The following NFATC1 variants were observed in gnomAD, a reference collection of about 807,000 sequenced individuals.
The protein encoded by NFATC1 is nuclear factor of activated T-cells, cytoplasmic 1.
In NFATC1, 22 loss-of-function variants were observed where a neutral mutation model predicts 76.0. The observed-to-expected ratio is 0.29, with a 90% CI of 0.21 to 0.41. The LOEUF (loss-of-function observed/expected upper bound fraction) is 0.41. NFATC1 is among the 10% of genes least tolerant of loss of function. The pLI, the probability that NFATC1 is intolerant of heterozygous loss-of-function variation, is 1.00. For missense variants in NFATC1, 1,357 were observed against 1,337.7 expected (o/e 1.01, Z -0.23); for synonymous variants, 704 against 613.1 (o/e 1.15, Z -2.19).
intron 1 of NFATC1, among the ~76,000 whole-genome samples, chr18:79,409,457 C>T (rs535790122): frequency 6.6e-6 from 1 of 151,978 alleles, no homozygotes; most frequent in Non-Finnish European, 1.5e-5. Flanking sequence ...ATTCATCCAC[C>T]ATTTACCTAT....
intron 3 of NFATC1, among the ~76,000 whole-genome samples, chr18:79,434,814 G>C (rs975999081): frequency 6.6e-6 from 1 of 152,250 alleles, no homozygotes; most frequent in Non-Finnish European, 1.5e-5. Context: ...GGGAATTAGC[G>C]GGCAGGGCGC....
chr18:79,507,671 C>T (rs1377654873), intron 9 of NFATC1, among the ~76,000 whole-genome samples: 1 of 152,208 alleles, frequency 6.6e-6, no homozygotes, highest in Non-Finnish European at 1.5e-5. Flanking sequence ...TCCCCCGGAG[C>T]CCTAGAAAGG....
At chr18:79,457,079 G>A (rs758989828) in intron 6 of NFATC1, among the ~76,000 whole-genome samples, 6 of 152,254 alleles carry the variant, frequency 3.9e-5, no homozygotes, top group Non-Finnish European at 7.3e-5. Context: ...TGTGAGTGTG[G>A]ACAGACATCA....
chr18:79,483,991 G>A (rs542977438), intron 8 of NFATC1, among the ~76,000 whole-genome samples: 2 of 149,652 alleles, frequency 1.3e-5, no homozygotes, highest in South Asian at 2.1e-4. Context: ...TCACTCCAGC[G>A]TGACCTGGTC....
chr18:79,528,153 G>C lies in NFATC1; in HGVS notation c.*576G>C, dbSNP rs1407315795. On this transcript the variant is annotated 3_prime_UTR_variant, in exon 10 of 10. Coordinates refer to ENST00000427363, the MANE Select transcript of NFATC1 (RefSeq NM_001278669.2). Reference sequence around the variant, plus strand: ...ACGTACACTCCTGCTGCCTTACACAGTGCATTTTAGAATCTTCCAGTCTGT... The same window carrying C: ...ACGTACACTCCTGCTGCCTTACACACTGCATTTTAGAATCTTCCAGTCTGT... 1.0e-5 allele frequency: 4 copies of C among 389,176 alleles called. No individual in the cohort carries two copies. The East Asian group carries it at 1.5e-4, about 14-fold the overall frequency. The allele number at this position is 389,176 out of a possible 1,614,324, so 24.1% of individuals were successfully genotyped here.
At chr18:79,495,696 G>C (rs1316084275) in intron 9 of NFATC1, among the ~76,000 whole-genome samples, 1 of 152,274 alleles carries the variant, frequency 6.6e-6, no homozygotes, top group Admixed American at 6.5e-5. Context: ...CTGCGCGTCT[G>C]GGCAGTGTGG....
Position 79,527,564 on chromosome 18 carries a change from G to A in NFATC1, c.2819G>A (p.Ser940Asn). The A allele has an allele frequency of 2.5e-6, 4 of 1,614,018 alleles. No homozygotes were observed. Among genetic ancestry groups the A allele is most frequent in the Non-Finnish European group, 3.4e-6 (4 of 1,179,958 alleles). ...ATACGAAATGACCTCTCCAGCACGA[G>A]CACCCACTCCTAGTTGCCACATTGG... ...EIIRNDLSST[S>N]THS Residue 940 changes from serine to asparagine, a missense_variant, in exon 10 of 10, where the codon AGC becomes AAC. By Grantham distance (46) the Ser-to-Asn change is conservative. Coordinates refer to ENST00000427363, the MANE Select transcript of NFATC1 (RefSeq NM_001278669.2).
intron 8 of NFATC1, chr18:79,470,088 C>T (rs2088714648): frequency 3.7e-6 from 3 of 812,226 alleles, no homozygotes; most frequent in Non-Finnish European, 4.5e-6. Context: ...GGTCTGAGGA[C>T]GCCGAGGCCG....
At position 79,449,960 on chromosome 18, in the gene NFATC1, C is replaced by G. The variant is rs571799983; in HGVS notation, c.1589+976C>G. Among the ~76,000 whole-genome samples the G allele has an allele frequency of 7.9e-5, 12 of 152,354 alleles. 1 individual carries two copies. In the South Asian group the frequency reaches 2.5e-3, roughly 32 times the overall value. ...TCAAGCACTGGGAGGAATGTACGCACCTGGGAATTCATTCCAAATCCCTGA... is the reference window on the plus strand; with the variant it reads ...TCAAGCACTGGGAGGAATGTACGCAGCTGGGAATTCATTCCAAATCCCTGA... On this transcript the variant is annotated intron_variant, in intron 4 of 9. Coordinates refer to ENST00000427363, the MANE Select transcript of NFATC1 (RefSeq NM_001278669.2).
intron 8 of NFATC1, 85 bp downstream of exon 8, chr18:79,467,667 A>G (rs1260973447): frequency 1.9e-6 from 3 of 1,585,032 alleles, no homozygotes; most frequent in Non-Finnish European, 2.6e-6. Context: ...GTCGCCGTAA[A>G]GCAGCGTGGC....
At chr18:79,496,235 G>C (rs948298751) in intron 9 of NFATC1, 2 of 152,604 alleles carry the variant, frequency 1.3e-5, no homozygotes, top group East Asian at 3.8e-4. Context: ...CTAATGTGTA[G>C]ACATTTCAAA....
rs1229153004 is a variant in NFATC1 at position 79,528,381 on chromosome 18, A to T, written c.*804A>T. On this transcript the variant is annotated 3_prime_UTR_variant, in exon 10 of 10. Transcript: ENST00000427363. ...TGCATTTGCATGTGTGTACATATCT[A>T]GGCATCTATTTATGTATAAATAATA... The T allele has an allele frequency of 1.9e-5, 3 of 154,116 alleles. No homozygotes were observed. The highest frequency in any genetic ancestry group is 7.2e-5 in the African/African-American group (3 of 41,510). The allele number at this position is 154,116 out of a possible 1,614,324, so 9.5% of individuals were successfully genotyped here.
chr18:79,464,171 C>T (rs2088304367), intron 7 of NFATC1, among the ~76,000 whole-genome samples: 2 of 152,182 alleles, frequency 1.3e-5, no homozygotes, highest in African/African-American at 4.8e-5. Flanking sequence ...CTCATTGCAG[C>T]CTCCGCCTCC....
chr18:79,484,191 C>G (rs990907857), intron 8 of NFATC1, among the ~76,000 whole-genome samples: 2 of 152,102 alleles, frequency 1.3e-5, no homozygotes, highest in Non-Finnish European at 2.9e-5. Flanking sequence ...GCCTCATCCT[C>G]CAAGCTTCAC....
chr18:79,444,145 C>T (rs539563396), intron 3 of NFATC1, among the ~76,000 whole-genome samples: 2 of 152,222 alleles, frequency 1.3e-5, no homozygotes, highest in African/African-American at 2.4e-5. Context: ...TAGAACTTCC[C>T]AGAGAGCAGT....
chr18:79,434,514 C>T (rs1050684298), intron 3 of NFATC1, among the ~76,000 whole-genome samples: 5 of 152,252 alleles, frequency 3.3e-5, no homozygotes, highest in African/African-American at 1.2e-4. Flanking sequence ...CCTGTTACCT[C>T]GTCAGCTATA....
chr18:79,425,415 G>C (rs923124668), intron 2 of NFATC1, among the ~76,000 whole-genome samples: 3 of 152,266 alleles, frequency 2.0e-5, no homozygotes, highest in Middle Eastern at 3.2e-3. Flanking sequence ...TCCTGAAGCT[G>C]CTCCTGTGGA....
intron 2 of NFATC1, chr18:79,421,693 C>T (rs113790072): frequency 0.035 from 5,391 of 152,428 alleles, 152 homozygotes; most frequent in Middle Eastern, 0.095. Flanking sequence ...AGCTGCAAGG[C>T]GGAGTCCCTG....
At chr18:79,520,898 G>A (rs1277415280) in intron 9 of NFATC1, among the ~76,000 whole-genome samples, 2 of 121,784 alleles carry the variant, frequency 1.6e-5, no homozygotes, top group Non-Finnish European at 3.4e-5. Context: ...CTGTGTGTGT[G>A]TAGGAGGGGA....
Sources: gnomAD v4.1 joint callset for allele counts (sites outside exome capture counted in the v4.1 genomes callset) on GRCh38, gnomAD v4.1.1 for gene constraint, MANE v1.5 for transcripts, NCBI Gene and HGNC (gene_info 2026-07-23, HGNC 2026-07-21) for gene names.